The following XPR1 variants were observed in gnomAD, a reference collection of about 807,000 sequenced individuals.
The protein encoded by XPR1 is xenotropic and polytropic retrovirus receptor 1, also known as solute carrier family 53 member 1.
In XPR1, 28 loss-of-function variants were observed where a neutral mutation model predicts 87.5. The observed-to-expected ratio is 0.32, with a 90% confidence interval of 0.24 to 0.44. The LOEUF is 0.44. Among genes scored for constraint, XPR1 ranks in the 20% least tolerant of loss-of-function variants. The probability of loss-of-function intolerance (pLI) is 1.00; values close to 1 mark genes in which losing one functional copy is unlikely to be tolerated. For missense variants in XPR1, 559 were observed against 862.3 expected, an observed-to-expected ratio of 0.65 and a Z score of 4.41; for synonymous variants, 300 against 306.1, an observed-to-expected ratio of 0.98 and a Z score of 0.21.
chr1:180,788,555 G>A (rs887775903), intron 3 of XPR1, among the ~76,000 whole-genome samples: 1 of 151,990 alleles, frequency 6.6e-6, no homozygotes, highest in Non-Finnish European at 1.5e-5. Flanking sequence ...TCTAGACTCT[G>A]GAAATGTTAC....
chr1:180,865,857 A>G (rs1276589589), intron 12 of XPR1, among the ~76,000 whole-genome samples: 1 of 152,188 alleles, frequency 6.6e-6, no homozygotes, highest in South Asian at 2.1e-4. Context: ...ATACTTTCCT[A>G]CATTATAATT....
chr1:180,844,773 A>C lies in XPR1; in HGVS notation c.1501+8057A>C, dbSNP rs137948048. Among the ~76,000 whole-genome samples the C allele has an allele frequency of 4.6e-4, 70 of 152,284 alleles. No homozygotes were observed. The East Asian group carries it at 0.013, about 27-fold the overall frequency. ...TCATGTGTGTTCATTCTGGCGCTTC[A>C]ATTGAAAGAGCAGCCACTTAGCCAG... On this transcript the variant is annotated intron_variant, in intron 11 of 14. Transcript: ENST00000367590.
At chr1:180,660,082 G>C (rs548020374) in intron 1 of XPR1, among the ~76,000 whole-genome samples, 10 of 152,068 alleles carry the variant, frequency 6.6e-5, no homozygotes, top group African/African-American at 2.4e-4. Flanking sequence ...ATTTTTTCAT[G>C]GTTCACTCTT....
chr1:180,736,075 T>C (rs1046954879), intron 2 of XPR1, among the ~76,000 whole-genome samples: 1 of 152,170 alleles, frequency 6.6e-6, no homozygotes, highest in Non-Finnish European at 1.5e-5. Flanking sequence ...ATGTAAGCAA[T>C]GTGAAGAAGA....
chr1:180,780,003 A>G (rs1489129456), intron 2 of XPR1, among the ~76,000 whole-genome samples: 1 of 152,188 alleles, frequency 6.6e-6, no homozygotes, highest in Non-Finnish European at 1.5e-5. Flanking sequence ...GGAACAGTAC[A>G]TTATTCTTTT....
At position 180,690,761 on chromosome 1, in the gene XPR1, AT is replaced by A. The variant is rs1656959676; in HGVS notation, c.121+8355del. On this transcript the variant is annotated intron_variant, in intron 2 of 14. Coordinates refer to ENST00000367590, the MANE Select transcript of XPR1 (RefSeq NM_004736.4). Reference sequence around the variant, plus strand: ...TGACTAGTGATTATGACTTTTTAAAATTTTTATATCTAGTATCCGAAATAGG... The same window carrying A: ...TGACTAGTGATTATGACTTTTTAAAATTTTATATCTAGTATCCGAAATAGG... Among the ~76,000 whole-genome samples the A allele has an allele frequency of 3.3e-5, 5 of 150,746 alleles. No individual in the cohort carries two copies. In the Admixed American group the frequency reaches 3.3e-4, roughly 10 times the overall value.
intron 14 of XPR1, among the ~76,000 whole-genome samples, chr1:180,881,759 A>G (rs1390871652): frequency 6.6e-6 from 1 of 152,190 alleles, no homozygotes; most frequent in Non-Finnish European, 1.5e-5. Flanking sequence ...CTTTAAATAG[A>G]GATTTGGAAG....
At chr1:180,757,508 T>G (rs937583726) in intron 2 of XPR1, among the ~76,000 whole-genome samples, 2 of 132,454 alleles carry the variant, frequency 1.5e-5, no homozygotes, top group African/African-American at 7.2e-5. Context: ...TACTAGGCCT[T>G]TTTTTTTTTT....
At chr1:180,804,219 T>C (rs6679698) in intron 4 of XPR1, among the ~76,000 whole-genome samples, 6,547 of 152,228 alleles carry the variant, frequency 0.043, 499 homozygotes, top group African/African-American at 0.15. Context: ...CTCAGTGAGC[T>C]GCCTGCCTCA....
Position 180,806,215 on chromosome 1 carries a change from C to T in XPR1, c.597+4C>T, listed in dbSNP as rs1269567947. On this transcript the variant is annotated splice_donor_region_variant and intron_variant, in intron 5 of 14. Transcript: ENST00000367590. The stretch of plus-strand genomic sequence containing the variant: ...CCAGCTTATCTCTGAAACTGAGGTA[C>T]AATAATCTCGTTTATTTACAACGTA... 1.9e-6 allele frequency: 3 copies of T among 1,609,878 alleles called. No homozygotes were observed. Among genetic ancestry groups the T allele is most frequent in the Admixed American group, 3.4e-5 (2 of 59,568 alleles).
intron 2 of XPR1, among the ~76,000 whole-genome samples, chr1:180,743,442 T>C (rs1658986200): frequency 6.6e-6 from 1 of 152,142 alleles, no homozygotes; most frequent in South Asian, 2.1e-4. Context: ...TAAGCTGTGA[T>C]TGTCTTATGT....
At chr1:180,882,788 C>T (rs950236559) in intron 14 of XPR1, among the ~76,000 whole-genome samples, 3 of 152,168 alleles carry the variant, frequency 2.0e-5, no homozygotes, top group Non-Finnish European at 4.4e-5. Flanking sequence ...TAATGAGTCT[C>T]CTCCCTCTTC....
At chr1:180,874,802 T>C in intron 13 of XPR1, among the ~76,000 whole-genome samples, 1 of 152,220 alleles carries the variant, frequency 6.6e-6, no homozygotes, top group African/African-American at 2.4e-5. Flanking sequence ...CTTTGCACTA[T>C]AGAAATTTGC....
At chr1:180,742,864 T>C (rs1252842424) in intron 2 of XPR1, among the ~76,000 whole-genome samples, 1 of 152,126 alleles carries the variant, frequency 6.6e-6, no homozygotes, top group African/African-American at 2.4e-5. Context: ...TTTGATGAAT[T>C]GACTCTTTTA....
intron 2 of XPR1, among the ~76,000 whole-genome samples, chr1:180,743,790 G>T (rs1335791897): frequency 6.6e-6 from 1 of 152,044 alleles, no homozygotes; most frequent in African/African-American, 2.4e-5. Context: ...TTCTTTTCTT[G>T]TTGCACTTTA....
intron 2 of XPR1, among the ~76,000 whole-genome samples, chr1:180,729,722 G>A (rs563395181): frequency 1.3e-5 from 2 of 152,244 alleles, no homozygotes; most frequent in South Asian, 4.1e-4. Flanking sequence ...GTCTGTTCAT[G>A]TCCTTTGCCC....
In XPR1 at chr1:180,745,085, A is replaced by G. The variant is rs147831899; in HGVS notation, c.122-42668A>G. Among the ~76,000 whole-genome samples, 12 of 152,274 alleles carry G rather than the reference A, an allele frequency of 7.9e-5. No individual in the cohort carries two copies. The East Asian group carries it at 2.3e-3, about 29-fold the overall frequency. Reference sequence around the variant, plus strand: ...TCAGATATGGCCTACATGTGACCAGATATGTGTCAGTTGCCTGGACAGCAG... The same window carrying G: ...TCAGATATGGCCTACATGTGACCAGGTATGTGTCAGTTGCCTGGACAGCAG... On this transcript the variant is annotated intron_variant, in intron 2 of 14. Transcript: ENST00000367590.
Position 180,835,885 on chromosome 1 carries a change from G to A in XPR1, c.1307-637G>A, listed in dbSNP as rs532201838. On this transcript the variant is annotated intron_variant, in intron 10 of 14. Coordinates refer to ENST00000367590, the MANE Select transcript of XPR1 (RefSeq NM_004736.4). Reference sequence around the variant, plus strand: ...TTTTCCAGATGTTTCAAATTACAGAGCCAACCCGTTTTTTCCTCCTTCTAT... The same window carrying A: ...TTTTCCAGATGTTTCAAATTACAGAACCAACCCGTTTTTTCCTCCTTCTAT... Among the ~76,000 whole-genome samples, 4 of 152,190 alleles carry A rather than the reference G, an allele frequency of 2.6e-5. 1 individual carries two copies. The East Asian group carries it at 5.8e-4, about 22-fold the overall frequency.
At chr1:180,644,899 G>C (rs1655063326) in intron 1 of XPR1, among the ~76,000 whole-genome samples, 1 of 151,960 alleles carries the variant, frequency 6.6e-6, no homozygotes, top group Admixed American at 6.6e-5. Context: ...CCTGCAACTA[G>C]ATGGTCCCAT....
Sources: gnomAD v4.1 joint callset for allele counts (sites outside exome capture counted in the v4.1 genomes callset) on GRCh38, gnomAD v4.1.1 for gene constraint, MANE v1.5 for transcripts, NCBI Gene and HGNC (gene_info 2026-07-23, HGNC 2026-07-21) for gene names.